The following LARGE1 variants were observed in gnomAD, a reference collection of about 807,000 sequenced individuals.
LARGE1 encodes LARGE xylosyl- and glucuronyltransferase 1, also known as xylosyl- and glucuronyltransferase LARGE1.
A neutral mutation model predicts 87.6 loss-of-function variants in LARGE1; 43 were observed. The observed-to-expected ratio is 0.49, with a 90% confidence interval of 0.38 to 0.63. The LOEUF (loss-of-function observed/expected upper bound fraction) is 0.63. Ranked by LOEUF, LARGE1 falls within the 30% of genes least tolerant of loss-of-function variation. The pLI is 0.00. For synonymous variants in LARGE1, 434 were observed against 394.6 expected (o/e 1.10, Z -1.18); for missense variants, 802 against 1,000.2 (o/e 0.80, Z 2.67).
At chr22:33,593,233 G>A (rs1416648612) in intron 5 of LARGE1, among the ~76,000 whole-genome samples, 1 of 151,350 alleles carries the variant, frequency 6.6e-6, no homozygotes, top group Admixed American at 6.6e-5. Context: ...GGTAGAGACG[G>A]GGTTTCGCCA....
chr22:33,650,610 C>A lies in LARGE1; in HGVS notation c.165G>T (p.Thr55=), dbSNP rs63446460. 6.2e-7 allele frequency: 1 copy of A among 1,604,364 alleles called. No homozygotes were observed. The highest frequency in any genetic ancestry group is 8.5e-7 in the Non-Finnish European group (1 of 1,179,932). The change falls in exon 3 of 15, where the codon ACG becomes ACT. Residue 55 remains threonine (T), a synonymous_variant. Transcript: ENST00000397394. ...TCTCGCGCTCCCGCTGGCTGGAGGC[C>A]GTGTACCTGGGGCTGTGTGCCTGGG... ...LESQAHSPRY[T]ASSQRERESL...
At chr22:33,756,948 T>C (rs541073817) in intron 2 of LARGE1, among the ~76,000 whole-genome samples, 1 of 151,510 alleles carries the variant, frequency 6.6e-6, no homozygotes, top group Non-Finnish European at 1.5e-5. Context: ...TACTCCCAAG[T>C]TTAGGGCCTG....
chr22:33,083,276 A>G, the LARGE1 span, among the ~76,000 whole-genome samples: 1 of 152,156 alleles, frequency 6.6e-6, no homozygotes, highest in East Asian at 1.9e-4. Context: ...ATAATTTTCT[A>G]GGTATGCATT....
intron 6 of LARGE1, among the ~76,000 whole-genome samples, chr22:33,557,521 G>T (rs369138395): frequency 8.5e-5 from 13 of 152,254 alleles, no homozygotes; most frequent in African/African-American, 2.9e-4. Flanking sequence ...CATGAAAACT[G>T]GTAGTGAGGA....
intron 6 of LARGE1, among the ~76,000 whole-genome samples, chr22:33,561,200 A>G (rs2077848411): frequency 6.6e-6 from 1 of 152,172 alleles, no homozygotes; most frequent in South Asian, 2.1e-4. Context: ...TCTGTTTTAC[A>G]AACACTCATT....
At chr22:33,410,373 T>C (rs961348186) in intron 7 of LARGE1, among the ~76,000 whole-genome samples, 2 of 151,910 alleles carry the variant, frequency 1.3e-5, no homozygotes, top group African/African-American at 4.8e-5. Context: ...GTAATCCCCA[T>C]AATCCCCACA....
At chr22:33,177,810 G>T (rs893466753) in intron 11 of LARGE1, among the ~76,000 whole-genome samples, 1 of 152,150 alleles carries the variant, frequency 6.6e-6, no homozygotes, top group Non-Finnish European at 1.5e-5. Flanking sequence ...TTCTCAAATT[G>T]TAATTCCCAT....
chr22:33,538,752 G>C (rs912029298), intron 6 of LARGE1, among the ~76,000 whole-genome samples: 1 of 152,168 alleles, frequency 6.6e-6, no homozygotes, highest in African/African-American at 2.4e-5. Context: ...TGGAGGACAA[G>C]GAAGCCGTCT....
intron 11 of LARGE1, among the ~76,000 whole-genome samples, chr22:33,184,750 G>A (rs1034796545): frequency 1.1e-4 from 16 of 151,950 alleles, no homozygotes; most frequent in African/African-American, 3.9e-4. Flanking sequence ...ATGGACAAAA[G>A]ACCTGAACAG....
chr22:33,404,106 T>C (rs2066015282), intron 7 of LARGE1, among the ~76,000 whole-genome samples: 1 of 152,124 alleles, frequency 6.6e-6, no homozygotes. Context: ...TATTGTATGA[T>C]AAGAACAAAG....
intron 12 of LARGE1, among the ~76,000 whole-genome samples, chr22:33,284,283 C>G (rs1569012280): frequency 6.6e-6 from 1 of 152,210 alleles, no homozygotes; most frequent in African/African-American, 2.4e-5. Flanking sequence ...CCAAACTGGG[C>G]ACTTTCAGGT....
chr22:33,316,117 G>A lies in LARGE1; in HGVS notation c.1419C>T (p.Asp473=), dbSNP rs370668049. The stretch of plus-strand genomic sequence containing the variant: ...TGGACAGCTGAGCGACCAGGGTGAC[G>A]TCCGTGCTGTCTGCTGCAGGCTCAT... ...YEYEPAADST[D]VTLVAQLSMD... The change falls in exon 11 of 15, where the codon GAC becomes GAT. Residue 473 remains aspartate, a synonymous_variant. Coordinates refer to ENST00000397394, the MANE Select transcript of LARGE1 (RefSeq NM_133642.5). 3.1e-6 allele frequency: 5 copies of A among 1,613,920 alleles called. No homozygotes were observed. The highest frequency in any genetic ancestry group is 1.3e-5 in the African/African-American group (1 of 74,920).
intron 11 of LARGE1, among the ~76,000 whole-genome samples, chr22:33,210,344 A>G (rs1315882030): frequency 6.6e-6 from 1 of 152,188 alleles, no homozygotes; most frequent in Non-Finnish European, 1.5e-5. Context: ...TTAAAAAATG[A>G]AGTTAGCGTC....
intron 11 of LARGE1, among the ~76,000 whole-genome samples, chr22:33,219,438 CAA>C (rs1477395720): frequency 6.6e-6 from 1 of 152,206 alleles, no homozygotes; most frequent in East Asian, 1.9e-4. Flanking sequence ...GCCTTGTTAA[CAA>C]TCTTCCCAGG....
At position 33,527,758 on chromosome 22, in the gene LARGE1, C is replaced by T. The variant is rs546640215; in HGVS notation, c.787+37090G>A. Reference sequence around the variant, plus strand: ...CCTTGACCAGAACAAACCATAATAACAAAAGGAAAGAAGGGAGGGGGAGAA... The same window carrying T: ...CCTTGACCAGAACAAACCATAATAATAAAAGGAAAGAAGGGAGGGGGAGAA... On this transcript the variant is annotated intron_variant, in intron 6 of 14. Coordinates refer to ENST00000397394, the MANE Select transcript of LARGE1 (RefSeq NM_133642.5). Among the ~76,000 whole-genome samples the T allele has an allele frequency of 2.0e-5, 3 of 152,070 alleles. No individual in the cohort carries two copies. The East Asian group carries it at 5.8e-4, about 29-fold the overall frequency.
chr22:33,288,880 T>A (rs1932024161), intron 12 of LARGE1, among the ~76,000 whole-genome samples: 1 of 152,184 alleles, frequency 6.6e-6, no homozygotes, highest in African/African-American at 2.4e-5. Context: ...CAAAGTTTTG[T>A]TGCCCTTGTC....
At chr22:33,901,210 G>A (rs1231285041) in intron 1 of LARGE1, among the ~76,000 whole-genome samples, 1 of 152,144 alleles carries the variant, frequency 6.6e-6, no homozygotes, top group Non-Finnish European at 1.5e-5. Flanking sequence ...GTGAGAACCA[G>A]AAGGGTTCTC....
intron 2 of LARGE1, among the ~76,000 whole-genome samples, chr22:33,756,427 A>C (rs573585597): frequency 1.3e-5 from 2 of 152,348 alleles, no homozygotes; most frequent in African/African-American, 4.8e-5. Flanking sequence ...GGTACATACA[A>C]GGAGTTAGGT....
intron 12 of LARGE1, among the ~76,000 whole-genome samples, chr22:33,295,605 C>T (rs1933141533): frequency 6.6e-6 from 1 of 152,226 alleles, no homozygotes; most frequent in Non-Finnish European, 1.5e-5. Flanking sequence ...GCCACCTCAG[C>T]ACAGCCCTGT....
Sources: gnomAD v4.1 joint callset for allele counts (sites outside exome capture counted in the v4.1 genomes callset) on GRCh38, gnomAD v4.1.1 for gene constraint, MANE v1.5 for transcripts, NCBI Gene and HGNC (gene_info 2026-07-23, HGNC 2026-07-21) for gene names.